Variants in ZNF37A observed in about 807,000 individuals in gnomAD.
ZNF37A encodes zinc finger protein 37A.
Under a neutral mutation model 12.3 loss-of-function variants are expected in ZNF37A, and 10 were observed. The observed-to-expected ratio is 0.82, with a 90% confidence interval of 0.50 to 1.38. The LOEUF is 1.38. ZNF37A is among the 40% of genes most tolerant of loss of function. ZNF37A has a pLI of 0.00. For missense variants in ZNF37A, 580 were observed against 651.2 expected, an observed-to-expected ratio of 0.89 and a Z score of 1.19; for synonymous variants, 207 against 223.0, an observed-to-expected ratio of 0.93 and a Z score of 0.64.
intron 7 of ZNF37A, among the ~76,000 whole-genome samples, chr10:38,136,646 T>C (rs2136080307): frequency 6.6e-6 from 1 of 152,350 alleles, no homozygotes; most frequent in South Asian, 2.1e-4. Context: ...GTTTATCCTG[T>C]TTGGGGTTTG....
intron 7 of ZNF37A, among the ~76,000 whole-genome samples, chr10:38,134,196 T>G (rs2070072974): frequency 6.6e-6 from 1 of 152,178 alleles, no homozygotes. Flanking sequence ...CCAATCTTCT[T>G]TCAAAGTTTT....
intron 7 of ZNF37A, chr10:38,142,715 C>G (rs2070200986): frequency 6.6e-6 from 1 of 152,184 alleles, no homozygotes; most frequent in Admixed American, 6.5e-5. Flanking sequence ...GTATGGGTTT[C>G]TCTAGATCCT....
At chr10:38,125,618 C>T (rs1471347124), downstream of ZNF37A, 1 of 152,150 alleles carries the variant, frequency 6.6e-6, no homozygotes, top group African/African-American at 2.4e-5. Context: ...AAACACCACT[C>T]AGTAGGAGCA....
At chr10:38,097,944 A>G (rs2067278639) in intron 5 of ZNF37A, among the ~76,000 whole-genome samples, 1 of 152,190 alleles carries the variant, frequency 6.6e-6, no homozygotes, top group African/African-American at 2.4e-5. Flanking sequence ...CTTAATAAGC[A>G]GTGTTGTAAC....
At position 38,118,229 on chromosome 10, in the gene ZNF37A, T is replaced by C; in HGVS notation, c.1078T>C (p.Cys360Arg). ...TGEKPYECHE[C>R]GKTFSFKSVL... is the part of the protein sequence containing the mutation. ...GGAGAAACCATATGAATGTCATGAA[T>C]GTGGGAAAACCTTCTCATTTAAGTC... Residue 360 changes from cysteine to arginine, a missense_variant, in exon 8 of 8, where the codon TGT (cysteine) becomes CGT (arginine). Transcript: ENST00000685332. 1 of 1,613,942 alleles carries C rather than the reference T, an allele frequency of 6.2e-7. No homozygotes were observed.
chr10:38,101,947 C>T lies in ZNF37A; in HGVS notation c.15+5315C>T, dbSNP rs1316286888. On this transcript the variant is annotated intron_variant, in intron 5 of 7. Transcript: ENST00000685332. ...AAACAATTCTTCTGCCTCAGCCTCC[C>T]GAGGAGCTGGGATTACTGGTGCACA... is the stretch of plus-strand genomic sequence containing the variant. Among the ~76,000 whole-genome samples, 3 of 151,488 alleles carry T rather than the reference C, an allele frequency of 2.0e-5. No individual in the cohort carries two copies. The East Asian group carries it at 5.8e-4, about 29-fold the overall frequency.
chr10:38,104,013 T>A (rs968398468), intron 5 of ZNF37A, among the ~76,000 whole-genome samples: 5 of 152,204 alleles, frequency 3.3e-5, no homozygotes, highest in Middle Eastern at 3.4e-3. Flanking sequence ...TCCTCTCAGG[T>A]TTTTTCTGAG....
At chr10:38,132,361 T>C (rs772673932) in intron 7 of ZNF37A, among the ~76,000 whole-genome samples, 77 of 152,118 alleles carry the variant, frequency 5.1e-4, no homozygotes, top group Non-Finnish European at 9.0e-4. Context: ...AACGATCATG[T>C]ATAGGTTTTT....
chr10:38,144,149 T>G (rs1348041890), intron 7 of ZNF37A: 1 of 152,236 alleles, frequency 6.6e-6, no homozygotes, highest in Non-Finnish European at 1.5e-5. Context: ...ATTCTCAAAG[T>G]GTTTTGATCA....
chr10:38,146,993 G>A, exon 8 of ZNF37A: 3 of 368,722 alleles, frequency 8.1e-6, no homozygotes, highest in Non-Finnish European at 1.4e-5. Context: ...CATTCCTTAC[G>A]GGAAACAAAG....
chr10:38,150,111 G>A (rs1479304214), exon 8 of ZNF37A: 1 of 152,256 alleles, frequency 6.6e-6, no homozygotes. Flanking sequence ...CTGGGGCGTT[G>A]CGCTCAGCAC....
chr10:38,122,864 A>G lies in ZNF37A; in HGVS notation c.*4027A>G, dbSNP rs1590931769. Reference sequence around the variant, plus strand: ...AAAAATCTTCTGCATTGCAAAGGAAATAACAAAGTGAAGAGACAACCCATA... The same window carrying G: ...AAAAATCTTCTGCATTGCAAAGGAAGTAACAAAGTGAAGAGACAACCCATA... On this transcript the variant is annotated 3_prime_UTR_variant, in exon 8 of 8. Coordinates refer to ENST00000685332, the MANE Select transcript of ZNF37A (RefSeq NM_001324250.3). 1 of 152,238 alleles carries G rather than the reference A, an allele frequency of 6.6e-6. No homozygotes were observed. Among genetic ancestry groups the G allele is most frequent in the Admixed American group, 6.5e-5 (1 of 15,286 alleles). The allele number at this position is 152,238 out of a possible 1,614,324, so 9.4% of individuals were successfully genotyped here.
At chr10:38,106,071 G>C (rs1217643475) in intron 5 of ZNF37A, among the ~76,000 whole-genome samples, 5 of 152,212 alleles carry the variant, frequency 3.3e-5, no homozygotes, top group African/African-American at 7.2e-5. Flanking sequence ...ATGATCTTAG[G>C]GGGGGATCTT....
In ZNF37A at chr10:38,118,751, G is replaced by A. The variant is rs1410759001; in HGVS notation, c.1600G>A (p.Val534Ile). 3 of 1,613,384 alleles carry A rather than the reference G, an allele frequency of 1.9e-6. No homozygotes were observed. Among genetic ancestry groups the A allele is most frequent in the African/African-American group, 2.7e-5 (2 of 74,922 alleles). Residue 534 changes from valine (V) to isoleucine (I), a missense_variant, in exon 8 of 8, where the codon GTT (valine) becomes ATT (isoleucine). By Grantham distance (29) the Val-to-Ile change is conservative. Coordinates refer to ENST00000685332, the MANE Select transcript of ZNF37A (RefSeq NM_001324250.3). ...TAATGTTTGTGGAAAATCATTCTAT[G>A]TTAAGTCAAAACTAACTGTACATCA... is the stretch of plus-strand genomic sequence containing the variant. ...ECNVCGKSFY[V>I]KSKLTVHQRI...
intron 5 of ZNF37A, among the ~76,000 whole-genome samples, chr10:38,098,949 G>GT (rs1206616104): frequency 2.0e-5 from 3 of 152,046 alleles, no homozygotes; most frequent in Admixed American, 6.5e-5. Flanking sequence ...TTTCCTACTT[G>GT]TAGTAGTTCC....
At chr10:38,111,345 T>C (rs941453415) in intron 5 of ZNF37A, among the ~76,000 whole-genome samples, 1 of 151,752 alleles carries the variant, frequency 6.6e-6, no homozygotes, top group Non-Finnish European at 1.5e-5. Flanking sequence ...GGTTGGGGGC[T>C]AGGGGAGAGA....
intron 5 of ZNF37A, among the ~76,000 whole-genome samples, chr10:38,110,336 C>T (rs1263048658): frequency 6.6e-6 from 1 of 152,108 alleles, no homozygotes; most frequent in Admixed American, 6.6e-5. Context: ...AAAATTAGCT[C>T]AAGATGGATT....
Position 38,119,457 on chromosome 10 carries a change from ATAG to A in ZNF37A, c.*624_*626del, listed in dbSNP as rs887400953. 81 of 930,292 alleles carry A rather than the reference ATAG, an allele frequency of 8.7e-5. No homozygotes were observed. Among genetic ancestry groups the A allele is most frequent in the Non-Finnish European group, 1.0e-4 (78 of 779,668 alleles). The allele number at this position is 930,292 out of a possible 1,614,324, so 57.6% of individuals were successfully genotyped here. A position where few individuals can be genotyped will look rare whatever the true frequency, so the allele number is the denominator to read the frequency against. ...GAAGTAGCTTCTCAGTGAACATCAG[ATAG>A]TAGAGAAAGTATTTTTAACTGTATC... On this transcript the variant is annotated 3_prime_UTR_variant, in exon 8 of 8. Coordinates refer to ENST00000685332, the MANE Select transcript of ZNF37A (RefSeq NM_001324250.3).
chr10:38,133,881 A>G (rs996969588), intron 7 of ZNF37A, among the ~76,000 whole-genome samples: 4 of 152,202 alleles, frequency 2.6e-5, no homozygotes, highest in Non-Finnish European at 5.9e-5. Context: ...ATCCTTGAGG[A>G]ATTGCCACAC....
Sources: allele counts gnomAD v4.1 joint callset (sites outside exome capture counted in the v4.1 genomes callset), GRCh38; gene constraint gnomAD v4.1.1; transcripts MANE v1.5; gene names NCBI Gene and HGNC (gene_info 2026-07-23, HGNC 2026-07-21).